The following RNF168 variants were observed in gnomAD, a reference collection of about 807,000 sequenced individuals.
The protein encoded by RNF168 is ring finger protein 168.
Under a neutral mutation model 34.9 loss-of-function variants are expected in RNF168, and 34 were observed. The observed-to-expected ratio is 0.97, with a 90% confidence interval of 0.74 to 1.30. The LOEUF (loss-of-function observed/expected upper bound fraction) is 1.30, where lower values mean the gene tolerates loss of function less well. RNF168 is among the 50% of genes most tolerant of loss of function. The pLI, the probability that RNF168 is intolerant of heterozygous loss-of-function variation, is 0.00. For synonymous variants in RNF168, 264 were observed against 254.7 expected (o/e 1.04, Z -0.35); for missense variants, 725 against 682.5 (o/e 1.06, Z -0.69).
chr3:196,474,512 A>G (rs528120833), intron 5 of RNF168, among the ~76,000 whole-genome samples: 2 of 147,434 alleles, frequency 1.4e-5, no homozygotes, highest in African/African-American at 5.1e-5. Flanking sequence ...CAACGGCACG[A>G]TCTCAGCTCA....
intron 1 of RNF168, among the ~76,000 whole-genome samples, chr3:196,497,548 T>G (rs1050846939): frequency 6.6e-6 from 1 of 151,924 alleles, no homozygotes; most frequent in Non-Finnish European, 1.5e-5. Context: ...TGCGTGCCTG[T>G]AGTCCCAGCT....
intron 3 of RNF168, among the ~76,000 whole-genome samples, chr3:196,485,440 G>C (rs957261204): frequency 2.0e-5 from 3 of 151,720 alleles, no homozygotes; most frequent in Admixed American, 1.3e-4. Context: ...CGGGAGTTGA[G>C]GTTGCACTAC....
intron 1 of RNF168, among the ~76,000 whole-genome samples, chr3:196,492,549 G>A (rs1381685932): frequency 2.0e-5 from 3 of 152,184 alleles, no homozygotes; most frequent in African/African-American, 7.2e-5. Context: ...GTGGAGGCAG[G>A]CGGATCACTT....
chr3:196,481,294 GGGCGT>G (rs1732280768), intron 4 of RNF168, among the ~76,000 whole-genome samples: 1 of 152,152 alleles, frequency 6.6e-6, no homozygotes, highest in South Asian at 2.1e-4. Flanking sequence ...GGGAATGGCG[GGGCGT>G]GGCGGCTCAC....
intron 5 of RNF168, 108 bp downstream of exon 5, chr3:196,475,123 T>G (rs920974902): frequency 1.4e-6 from 1 of 729,620 alleles, no homozygotes; most frequent in Non-Finnish European, 2.5e-6. Flanking sequence ...AGACAGGGTG[T>G]TTGATTAACT....
intron 1 of RNF168, 102 bp downstream of exon 1, chr3:196,502,771 C>T: frequency 2.0e-6 from 2 of 990,252 alleles, no homozygotes; most frequent in Non-Finnish European, 3.2e-6. Context: ...AAATACTAGT[C>T]GGGTTTTTTG....
intron 1 of RNF168, among the ~76,000 whole-genome samples, chr3:196,491,892 A>C (rs1473082001): frequency 6.6e-6 from 1 of 152,212 alleles, no homozygotes; most frequent in Non-Finnish European, 1.5e-5. Flanking sequence ...CAAAGGACAG[A>C]CACTGTGTGG....
At position 196,475,643 on chromosome 3, in the gene RNF168, C is replaced by T. The variant is rs192962554; in HGVS notation, c.681-331G>A. On this transcript the variant is annotated intron_variant, in intron 4 of 5. Transcript: ENST00000318037. The stretch of plus-strand genomic sequence containing the variant: ...TCCGCTCACTGCAAGCTCCGCCTCC[C>T]GAGTTCACGCCATTCTCCTGCCTCA... 5.3e-3 allele frequency among the ~76,000 whole-genome samples: 801 copies of T among 150,974 alleles called. 3 individuals are homozygous for T. The highest frequency in any genetic ancestry group is 0.018 in the African/African-American group (736 of 40,998).
At chr3:196,493,715 C>CG (rs997304437) in intron 1 of RNF168, among the ~76,000 whole-genome samples, 1 of 151,832 alleles carries the variant, frequency 6.6e-6, no homozygotes, top group African/African-American at 2.4e-5. Flanking sequence ...TTAGTAGAGA[C>CG]GGGGGTTTTA....
intron 2 of RNF168, among the ~76,000 whole-genome samples, chr3:196,488,267 G>T (rs920094625): frequency 1.3e-5 from 2 of 152,024 alleles, no homozygotes; most frequent in African/African-American, 4.8e-5. Flanking sequence ...GGATCACAAG[G>T]TCAGGAGATC....
chr3:196,479,411 C>A (rs996178812), intron 4 of RNF168, among the ~76,000 whole-genome samples: 7 of 151,902 alleles, frequency 4.6e-5, no homozygotes, highest in Non-Finnish European at 8.8e-5. Context: ...TTCACGTGAT[C>A]CTGCCACCTC....
chr3:196,474,023 G>A (rs1732078065), intron 5 of RNF168, among the ~76,000 whole-genome samples: 1 of 151,990 alleles, frequency 6.6e-6, no homozygotes, highest in South Asian at 2.1e-4. Context: ...CACTTGTGTG[G>A]CCTTTTTCCA....
intron 1 of RNF168, among the ~76,000 whole-genome samples, chr3:196,492,731 T>C (rs1343303565): frequency 6.6e-6 from 1 of 151,942 alleles, no homozygotes; most frequent in Non-Finnish European, 1.5e-5. Flanking sequence ...TGAGCCAAGA[T>C]CGCACCATTG....
At chr3:196,487,325 C>A (rs1440909345) in intron 3 of RNF168, 74 bp downstream of exon 3, 24 of 1,233,024 alleles carry the variant, frequency 1.9e-5, no homozygotes, top group Non-Finnish European at 2.9e-5. Flanking sequence ...GGAGCTGACT[C>A]TTCCCATGAG....
chr3:196,503,305 A>T lies in RNF168; in HGVS notation c.-132T>A. The T allele has an allele frequency of 1.2e-6, 1 of 811,436 alleles. No individual in the cohort carries two copies. Among genetic ancestry groups the T allele is most frequent in the Non-Finnish European group, 2.1e-6 (1 of 484,006 alleles). 50.3% of individuals were successfully genotyped at this position (811,436 alleles called of 1,614,324 possible). ...TGCCCAGAAGCGTATCAGAATTCGGAGAACAGGAGCATCCAACACGTCTTG... is the reference window on the plus strand; with the variant it reads ...TGCCCAGAAGCGTATCAGAATTCGGTGAACAGGAGCATCCAACACGTCTTG... On this transcript the variant is annotated 5_prime_UTR_variant, in exon 1 of 6. Coordinates refer to ENST00000318037, the MANE Select transcript of RNF168 (RefSeq NM_152617.4).
chr3:196,502,498 G>A (rs1261536202), intron 1 of RNF168, among the ~76,000 whole-genome samples: 1 of 151,690 alleles, frequency 6.6e-6, no homozygotes, highest in Non-Finnish European at 1.5e-5. Context: ...TGAGGCAGGA[G>A]AATCGCTTGA....
intron 2 of RNF168, among the ~76,000 whole-genome samples, 175 bp downstream of exon 2, chr3:196,488,432 A>C (rs1461346950): frequency 6.6e-6 from 1 of 151,784 alleles, no homozygotes; most frequent in African/African-American, 2.4e-5. Flanking sequence ...CAGTGAGCCG[A>C]GATTGCGCCA....
chr3:196,470,082 A>G lies in RNF168; in HGVS notation c.*1737T>C, dbSNP rs1447485334. 6.6e-6 allele frequency: 1 copy of G among 152,318 alleles called. No individual in the cohort carries two copies. Among genetic ancestry groups the G allele is most frequent in the Non-Finnish European group, 1.5e-5 (1 of 68,136 alleles). The allele number at this position is 152,318 out of a possible 1,614,324, so 9.4% of individuals were successfully genotyped here. A position where few individuals can be genotyped will look rare whatever the true frequency, so the allele number is the denominator to read the frequency against. On this transcript the variant is annotated 3_prime_UTR_variant, in exon 6 of 6. Transcript: ENST00000318037. ...ATCCAGACTGTCAGTCACCCCATCC[A>G]GCCTCATCCTCATCTGGACCCATTT...
chr3:196,502,374 G>A (rs956783869), intron 1 of RNF168, among the ~76,000 whole-genome samples: 4 of 152,116 alleles, frequency 2.6e-5, no homozygotes, highest in Non-Finnish European at 5.9e-5. Context: ...ATCCCTTGAG[G>A]TCAGGAGTTT....
Sources: gnomAD v4.1 joint callset for allele counts (sites outside exome capture counted in the v4.1 genomes callset) on GRCh38, gnomAD v4.1.1 for gene constraint, MANE v1.5 for transcripts, NCBI Gene and HGNC (gene_info 2026-07-23, HGNC 2026-07-21) for gene names.